Variants in MYLIP observed in about 807,000 individuals in gnomAD.
The protein encoded by MYLIP is E3 ubiquitin-protein ligase MYLIP.
MYLIP carries 26 observed loss-of-function variants against 45.8 expected under a neutral mutation model. The ratio of observed to expected loss-of-function variants is 0.57; its 90% CI spans 0.42 to 0.79. The LOEUF (loss-of-function observed/expected upper bound fraction) is 0.79, where lower values mean the gene tolerates loss of function less well. Ranked by LOEUF, MYLIP falls within the 30% of genes least tolerant of loss-of-function variation. The pLI is 0.00. For synonymous variants in MYLIP, 213 were observed against 218.1 expected, an observed-to-expected ratio of 0.98 and a Z score of 0.21; for missense variants, 494 against 555.6, an observed-to-expected ratio of 0.89 and a Z score of 1.11.
downstream of MYLIP, among the ~76,000 whole-genome samples, chr6:16,148,909 T>C (rs567867963): frequency 6.6e-6 from 1 of 152,326 alleles, no homozygotes; most frequent in East Asian, 1.9e-4. Context: ...TCTGTAGCAA[T>C]TGGAAGAAGT....
chr6:16,163,033 C>G, the MYLIP span, among the ~76,000 whole-genome samples: 3 of 151,896 alleles, frequency 2.0e-5, no homozygotes, highest in Non-Finnish European at 4.4e-5. Context: ...GGGGTGCTAG[C>G]GCATATGATG....
chr6:16,138,314 A>G lies in MYLIP; in HGVS notation c.279-3311A>G, dbSNP rs190508013. 2.3e-3 allele frequency among the ~76,000 whole-genome samples: 344 copies of G among 151,866 alleles called. 2 individuals are homozygous for G. Among genetic ancestry groups the G allele is most frequent in the African/African-American group, 7.6e-3 (315 of 41,372 alleles). On this transcript the variant is annotated intron_variant, in intron 2 of 6. Transcript: ENST00000356840. ...TGATATTATTGGTAACATTTTGCCTACTTTACAAAAAAAAAAAGGAGGGGG... is the reference window on the plus strand; with the variant it reads ...TGATATTATTGGTAACATTTTGCCTGCTTTACAAAAAAAAAAAGGAGGGGG...
downstream of MYLIP, among the ~76,000 whole-genome samples, chr6:16,150,720 T>C (rs1759867817): frequency 6.6e-6 from 1 of 152,164 alleles, no homozygotes; most frequent in African/African-American, 2.4e-5. Context: ...AACTGAAGAC[T>C]CAACAGGCGG....
chr6:16,159,109 CTA>C, the MYLIP span, among the ~76,000 whole-genome samples: 3 of 152,196 alleles, frequency 2.0e-5, no homozygotes, highest in South Asian at 4.1e-4. Context: ...GGTCCTGAGG[CTA>C]TGTTTACAGC....
chr6:16,146,921 T>C lies in MYLIP; in HGVS notation c.*170T>C, dbSNP rs1759804677. The C allele has an allele frequency of 1.8e-6, 1 of 548,904 alleles. No homozygotes were observed. Among genetic ancestry groups the C allele is most frequent in the Non-Finnish European group, 3.2e-6 (1 of 312,210 alleles). 34.0% of individuals were successfully genotyped at this position (548,904 alleles called of 1,614,324 possible). ...ACAGCTACTCCTCACTGCAAAAACA[T>C]ATCCATGCGTAGAATCAACAACTCC... On this transcript the variant is annotated 3_prime_UTR_variant, in exon 7 of 7. Transcript: ENST00000356840.
Position 16,146,858 on chromosome 6 carries a change from A to G in MYLIP, c.*107A>G. The G allele has an allele frequency of 1.1e-6, 1 of 892,220 alleles. No individual in the cohort carries two copies. Among genetic ancestry groups the G allele is most frequent in the African/African-American group, 1.9e-5 (1 of 52,582 alleles). The allele number at this position is 892,220 out of a possible 1,614,324, so 55.3% of individuals were successfully genotyped here. A position where few individuals can be genotyped will look rare whatever the true frequency, so the allele number is the denominator to read the frequency against. On this transcript the variant is annotated 3_prime_UTR_variant, in exon 7 of 7. Coordinates refer to ENST00000356840, the MANE Select transcript of MYLIP (RefSeq NM_013262.4). Reference sequence around the variant, plus strand: ...GTAATTATTCCAACACCCATCTGCCATGCGATGTTAAAAAAAAAAAAAAGG... The same window carrying G: ...GTAATTATTCCAACACCCATCTGCCGTGCGATGTTAAAAAAAAAAAAAAGG...
chr6:16,151,217 C>T (rs1327115336), downstream of MYLIP, among the ~76,000 whole-genome samples: 1 of 151,544 alleles, frequency 6.6e-6, no homozygotes, highest in Non-Finnish European at 1.5e-5. Context: ...ATCAGCCAGG[C>T]ACGGTAGCGG....
downstream of MYLIP, among the ~76,000 whole-genome samples, chr6:16,152,565 G>A (rs928406837): frequency 2.6e-5 from 4 of 152,182 alleles, no homozygotes; most frequent in African/African-American, 9.7e-5. Context: ...CAAAACATCA[G>A]TATTGCTGCT....
rs751119580 is a variant in MYLIP, at chr6:16,129,352, G to T, written c.30G>T (p.Ala10=). 12 of 1,588,718 alleles carry T rather than the reference G, an allele frequency of 7.6e-6. No individual in the cohort carries two copies. Among genetic ancestry groups the T allele is most frequent in the East Asian group, 2.3e-5 (1 of 43,280 alleles). The stretch of plus-strand genomic sequence containing the variant: ...TGTGTTATGTGACGAGGCCGGACGC[G>T]GTGCTGATGGAGGTGGAGGTGGAGG... MLCYVTRPD[A]VLMEVEVEAK... Residue 10 remains alanine (A), a synonymous_variant, in exon 1 of 7, where the codon GCG becomes GCT. Transcript: ENST00000356840. This position sits in a 1 kb window ranked among gnomAD's most constrained non-coding sequence, Gnocchi z 5.1.
At chr6:16,142,434 A>G (rs2113554515) in intron 3 of MYLIP, among the ~76,000 whole-genome samples, 1 of 152,376 alleles carries the variant, frequency 6.6e-6, no homozygotes, top group Admixed American at 6.5e-5. Flanking sequence ...CATTTTAGTT[A>G]TCTATTCCTG....
At chr6:16,149,172 A>G (rs1759849173), downstream of MYLIP, among the ~76,000 whole-genome samples, 1 of 152,238 alleles carries the variant, frequency 6.6e-6, no homozygotes, top group African/African-American at 2.4e-5. Flanking sequence ...TGCAGAATCC[A>G]CGAATACTAG....
downstream of MYLIP, among the ~76,000 whole-genome samples, chr6:16,149,297 A>G (rs1056784705): frequency 2.6e-5 from 4 of 152,202 alleles, no homozygotes; most frequent in African/African-American, 4.8e-5. Flanking sequence ...ACTAGACCAT[A>G]TGGACGCCTT....
intron 2 of MYLIP, among the ~76,000 whole-genome samples, chr6:16,140,915 G>A (rs576838900): frequency 3.9e-4 from 59 of 152,320 alleles, no homozygotes; most frequent in Middle Eastern, 3.4e-3. Context: ...GGAGAGCAGC[G>A]CAGAGAATAG....
intron 2 of MYLIP, among the ~76,000 whole-genome samples, chr6:16,131,531 T>C (rs1759460109): frequency 6.6e-6 from 1 of 152,222 alleles, no homozygotes; most frequent in South Asian, 2.1e-4. Flanking sequence ...TAATATTTAT[T>C]GAAAGGCAGG....
intron 2 of MYLIP, among the ~76,000 whole-genome samples, chr6:16,139,289 G>A (rs950268939): frequency 1.3e-4 from 20 of 151,848 alleles, no homozygotes; most frequent in African/African-American, 4.1e-4. Context: ...TCGGGAGGCC[G>A]AGGCAGGAGA....
chr6:16,146,087 A>G (rs1179128800), intron 6 of MYLIP, among the ~76,000 whole-genome samples: 1 of 152,234 alleles, frequency 6.6e-6, no homozygotes, highest in Non-Finnish European at 1.5e-5. Context: ...AGAAGCAGTC[A>G]TAGGCTTGTC....
chr6:16,144,754 C>A, intron 5 of MYLIP, 143 bp from the exon 6 acceptor site: 2 of 868,662 alleles, frequency 2.3e-6, no homozygotes, highest in African/African-American at 1.7e-5. Context: ...ATTTACCAGA[C>A]GTAAAACTGG....
At chr6:16,154,652 A>G in the MYLIP span, among the ~76,000 whole-genome samples, 1 of 152,222 alleles carries the variant, frequency 6.6e-6, no homozygotes, top group Admixed American at 6.5e-5. Context: ...CAAAATGGCC[A>G]GTACACTTGT....
Position 16,146,683 on chromosome 6 carries a change from C to T in MYLIP, c.1270C>T (p.Arg424Cys), listed in dbSNP as rs753046284. The T allele has an allele frequency of 3.6e-5, 58 of 1,611,240 alleles. No individual in the cohort carries two copies. The highest frequency in any genetic ancestry group is 3.3e-4 in the Middle Eastern group (2 of 6,074). Residue 424 changes from arginine (R) to cysteine (C), a missense_variant, in exon 7 of 7, where the codon CGT (arginine) becomes TGT (cysteine). Physicochemically the swap from Arg to Cys is radical, Grantham distance 180 (BLOSUM62 -3). Coordinates refer to ENST00000356840, the MANE Select transcript of MYLIP (RefSeq NM_013262.4). ...QLQSCPVCRS[R>C]VEHVQHVYLP... ...CCAGTCATGTCCCGTCTGCAGGTCG[C>T]GTGTGGAGCATGTCCAGCACGTCTA...
Sources: gnomAD v4.1 joint callset for allele counts (sites outside exome capture counted in the v4.1 genomes callset) on GRCh38, gnomAD v4.1.1 for gene constraint, Gnocchi (gnomAD v3.1) non-coding constraint, MANE v1.5 for transcripts, NCBI Gene and HGNC (gene_info 2026-07-23, HGNC 2026-07-21) for gene names.